Variants in TEK observed in about 807,000 individuals in gnomAD.
TEK encodes the protein TEK receptor tyrosine kinase.
A neutral mutation model predicts 131.8 loss-of-function variants in TEK; 43 were observed. That is an observed-to-expected ratio of 0.33 (90% CI 0.26 to 0.42). TEK has a LOEUF of 0.42. Ranked by LOEUF, TEK falls within the 10% of genes least tolerant of loss-of-function variation. The pLI is 1.00. For synonymous variants in TEK, 580 were observed against 491.6 expected, an observed-to-expected ratio of 1.18 and a Z score of -2.38; for missense variants, 1,162 against 1,384.4, an observed-to-expected ratio of 0.84 and a Z score of 2.55.
intron 1 of TEK, among the ~76,000 whole-genome samples, chr9:27,152,598 G>GCCCC (rs1554691190): frequency 2.1e-5 from 3 of 143,418 alleles, no homozygotes; most frequent in African/African-American, 8.1e-5. Context: ...AAGCCCCCCC[G>GCCCC]CCGCAAAAAA....
chr9:27,125,607 A>G (rs1382574985), intron 1 of TEK, among the ~76,000 whole-genome samples: 2 of 152,190 alleles, frequency 1.3e-5, no homozygotes, highest in Non-Finnish European at 2.9e-5. Flanking sequence ...AAAATGTGAC[A>G]GCTGTGTGAC....
At chr9:27,145,046 C>T in intron 1 of TEK, among the ~76,000 whole-genome samples, 1 of 152,160 alleles carries the variant, frequency 6.6e-6, no homozygotes, top group Admixed American at 6.5e-5. Flanking sequence ...CTTAGAGACA[C>T]ATATGTGGGC....
At chr9:27,168,341 G>T (rs546314617) in intron 2 of TEK, among the ~76,000 whole-genome samples, 154 bp from the exon 3 acceptor site, 11 of 152,120 alleles carry the variant, frequency 7.2e-5, no homozygotes, top group Non-Finnish European at 1.3e-4. Flanking sequence ...GTTAAGAAAG[G>T]TTAAAACGCA....
At chr9:27,226,945 G>A (rs1826356571) in intron 21 of TEK, among the ~76,000 whole-genome samples, 1 of 152,136 alleles carries the variant, frequency 6.6e-6, no homozygotes, top group Admixed American at 6.6e-5. Flanking sequence ...AAGAGTGAAG[G>A]AGGGTGTTAA....
chr9:27,221,510 A>G (rs1338457684), intron 21 of TEK, among the ~76,000 whole-genome samples: 1 of 151,934 alleles, frequency 6.6e-6, no homozygotes, highest in East Asian at 1.9e-4. Flanking sequence ...GGTCGACAGG[A>G]CATCTTATAC....
At chr9:27,221,683 G>C (rs1826088406) in intron 21 of TEK, among the ~76,000 whole-genome samples, 1 of 152,148 alleles carries the variant, frequency 6.6e-6, no homozygotes, top group South Asian at 2.1e-4. Flanking sequence ...CTGACTATTA[G>C]AAGGAAAAGT....
intron 21 of TEK, among the ~76,000 whole-genome samples, chr9:27,225,295 A>AAAAAG (rs1826272079): frequency 6.6e-6 from 1 of 152,188 alleles, no homozygotes. Flanking sequence ...AATCCTAAGC[A>AAAAAG]AAAAGAACAA....
intron 6 of TEK, among the ~76,000 whole-genome samples, chr9:27,178,865 A>G (rs754159288): frequency 6.6e-6 from 1 of 152,232 alleles, no homozygotes; most frequent in Non-Finnish European, 1.5e-5. Flanking sequence ...ATAAAGAAAC[A>G]GTCTTAAAAA....
intron 1 of TEK, among the ~76,000 whole-genome samples, chr9:27,144,223 A>G (rs113526787): frequency 0.043 from 6,611 of 152,236 alleles, 462 homozygotes; most frequent in African/African-American, 0.15. Context: ...CAGAGCTTGC[A>G]GTGAGCCGAG....
Position 27,168,532 on chromosome 9 carries a change from C to T in TEK, c.402C>T (p.Asp134=), listed in dbSNP as rs766931842. 5 of 1,613,712 alleles carry T rather than the reference C, an allele frequency of 3.1e-6. No individual in the cohort carries two copies. The highest frequency in any genetic ancestry group is 4.2e-6 in the Non-Finnish European group (5 of 1,179,860). ...FLPATLTMTV[D]KGDNVNISFK... ...CAGCTACTTTAACTATGACTGTGGA[C>T]AAGGGAGATAACGTGAACATATCTT... The change falls in exon 3 of 23, where the codon GAC becomes GAT. Residue 134 remains aspartate, a synonymous_variant. Transcript: ENST00000380036.
At chr9:27,195,881 C>T (rs1383540495) in intron 11 of TEK, among the ~76,000 whole-genome samples, 2 of 152,194 alleles carry the variant, frequency 1.3e-5, no homozygotes, top group Non-Finnish European at 1.5e-5. Context: ...GTTCCTGTCT[C>T]TCTGATTTTA....
Position 27,197,365 on chromosome 9 carries a change from C to G in TEK, c.1675C>G (p.Leu559Val), listed in dbSNP as rs1283376594. 1 of 1,614,160 alleles carries G rather than the reference C, an allele frequency of 6.2e-7. No individual in the cohort carries two copies. The change falls in exon 12 of 23, where the codon CTA becomes GTA. Residue 559 changes from leucine to valine, a missense_variant. Transcript: ENST00000380036. ...TCTCCTGCCTAAAAGTCAGACCACTCTAAATTTGACCTGGCAACCAATATT... is the reference window on the plus strand; with the variant it reads ...TCTCCTGCCTAAAAGTCAGACCACTGTAAATTTGACCTGGCAACCAATATT... ...LNLLPKSQTTLNLTWQPIFPS... is the reference protein window; with the variant it reads ...LNLLPKSQTTVNLTWQPIFPS...
intron 2 of TEK, among the ~76,000 whole-genome samples, chr9:27,158,964 A>G (rs1375652129): frequency 6.6e-6 from 1 of 152,192 alleles, no homozygotes; most frequent in Non-Finnish European, 1.5e-5. Flanking sequence ...CGGCCAGTGT[A>G]TCAATTTTCT....
intron 1 of TEK, among the ~76,000 whole-genome samples, chr9:27,112,516 G>T (rs1821386087): frequency 6.6e-6 from 1 of 152,162 alleles, no homozygotes; most frequent in African/African-American, 2.4e-5. Context: ...GAGCTTCCTG[G>T]AAGAGTCTAG....
At position 27,203,077 on chromosome 9, in the gene TEK, C is replaced by T. The variant is rs747400050; in HGVS notation, c.2167C>T (p.Pro723Ser). Residue 723 changes from proline to serine, a missense_variant, in exon 13 of 23, where the codon CCA (proline) becomes TCA (serine). Coordinates refer to ENST00000380036, the MANE Select transcript of TEK (RefSeq NM_000459.5). ...FAENNIGSSN[P>S]AFSHELVTLP... ...AGAGAACAACATAGGGTCAAGCAAC[C>T]CAGCCTTTTCTCATGAACTGGTGAC... 2 of 1,614,064 alleles carry T rather than the reference C, an allele frequency of 1.2e-6. No individual in the cohort carries two copies. Among genetic ancestry groups the T allele is most frequent in the Non-Finnish European group, 1.7e-6 (2 of 1,179,976 alleles).
chr9:27,220,485 AATTAAGAAGGATACATTT>A (rs1564108548), intron 21 of TEK, among the ~76,000 whole-genome samples: 1 of 3,664 alleles, frequency 2.7e-4, no homozygotes, highest in African/African-American at 9.1e-3. Flanking sequence ...CATTAAGATT[AATTAAGAAGGATACATTT>A]TCGGGCTGGC....
chr9:27,118,240 A>G (rs1564034376), intron 1 of TEK, among the ~76,000 whole-genome samples: 1 of 152,138 alleles, frequency 6.6e-6, no homozygotes, highest in African/African-American at 2.4e-5. Context: ...GTTAAATATG[A>G]TTTTTAATAT....
intron 21 of TEK, among the ~76,000 whole-genome samples, chr9:27,221,840 A>G (rs527897435): frequency 5.9e-5 from 9 of 152,354 alleles, no homozygotes; most frequent in African/African-American, 2.2e-4. Flanking sequence ...CTCCTCCTCC[A>G]AAGGATCACA....
At chr9:27,155,724 G>T (rs1408517194) in intron 1 of TEK, among the ~76,000 whole-genome samples, 1 of 151,396 alleles carries the variant, frequency 6.6e-6, no homozygotes, top group Non-Finnish European at 1.5e-5. Context: ...AAATTGTAAT[G>T]TTTTTTTCCC....
Sources: gnomAD v4.1 joint callset for allele counts (sites outside exome capture counted in the v4.1 genomes callset) on GRCh38, gnomAD v4.1.1 for gene constraint, MANE v1.5 for transcripts, NCBI Gene and HGNC (gene_info 2026-07-23, HGNC 2026-07-21) for gene names.